PTPRD: variants seen among roughly 807,000 people sequenced by gnomAD.
PTPRD encodes receptor-type tyrosine-protein phosphatase delta.
Under a neutral mutation model 214.5 loss-of-function variants are expected in PTPRD, and 34 were observed. The observed-to-expected ratio is 0.16, with a 90% CI of 0.12 to 0.21. The LOEUF (loss-of-function observed/expected upper bound fraction) is 0.21. Ranked by LOEUF, PTPRD falls within the 10% of genes least tolerant of loss-of-function variation. The pLI, the probability that PTPRD is intolerant of heterozygous loss-of-function variation, is 1.00. For missense variants in PTPRD, 2,545 were observed against 2,398.7 expected (o/e 1.06, Z -1.27); for synonymous variants, 1,128 against 845.7 (o/e 1.33, Z -5.79).
intron 3 of PTPRD, among the ~76,000 whole-genome samples, chr9:10,208,329 AC>A (rs1274782853): frequency 6.6e-6 from 1 of 152,170 alleles, no homozygotes; most frequent in East Asian, 1.9e-4. Flanking sequence ...CCTGGCTAAC[AC>A]GGTGAAACCC....
At chr9:9,317,245 G>C (rs534133723) in intron 9 of PTPRD, among the ~76,000 whole-genome samples, 18 of 152,228 alleles carry the variant, frequency 1.2e-4, no homozygotes, top group African/African-American at 3.6e-4. Context: ...TCATGCTTAT[G>C]CTTCAACCTA....
At chr9:9,584,469 T>C (rs142048127) in intron 7 of PTPRD, among the ~76,000 whole-genome samples, 81 of 152,062 alleles carry the variant, frequency 5.3e-4, no homozygotes, top group African/African-American at 1.8e-3. Context: ...ATATTCCTAA[T>C]GCTGTAGCCA....
chr9:10,604,188 A>C (rs78529103), intron 2 of PTPRD, among the ~76,000 whole-genome samples: 146,969 of 151,614 alleles, frequency 0.97, 71,408 homozygotes, highest in East Asian at 1. Context: ...TTCTGACCAT[A>C]TTCTGACCTA....
chr9:9,921,108 T>C (rs2082418725), intron 5 of PTPRD, among the ~76,000 whole-genome samples: 1 of 152,032 alleles, frequency 6.6e-6, no homozygotes. Flanking sequence ...TTAATTAAAT[T>C]TGATGGCCTG....
At chr9:8,472,405 G>C (rs2096670859) in intron 30 of PTPRD, among the ~76,000 whole-genome samples, 1 of 152,136 alleles carries the variant, frequency 6.6e-6, no homozygotes, top group Non-Finnish European at 1.5e-5. Context: ...AGAGACCACA[G>C]AGGCCAGCAA....
intron 5 of PTPRD, among the ~76,000 whole-genome samples, chr9:9,815,961 G>A (rs1334635181): frequency 6.6e-6 from 1 of 152,126 alleles, no homozygotes. Context: ...TTTTTTAAGT[G>A]AAAGTGTGGA....
intron 5 of PTPRD, among the ~76,000 whole-genome samples, chr9:9,796,295 T>A (rs566198198): frequency 6.6e-6 from 1 of 152,114 alleles, no homozygotes; most frequent in South Asian, 2.1e-4. Context: ...GAGAGTAAGA[T>A]AAAATTCCAT....
intron 9 of PTPRD, among the ~76,000 whole-genome samples, chr9:9,352,383 ATG>A (rs1266457711): frequency 6.7e-6 from 1 of 149,426 alleles, no homozygotes; most frequent in Admixed American, 6.7e-5. Flanking sequence ...ATATATATAT[ATG>A]TGTGTATATG....
intron 5 of PTPRD, among the ~76,000 whole-genome samples, chr9:9,910,737 G>C (rs2078955779): frequency 6.6e-6 from 1 of 151,916 alleles, no homozygotes; most frequent in Admixed American, 6.6e-5. Context: ...CAAAACTTGA[G>C]TTTCTTAAAA....
At chr9:9,695,583 C>T (rs554234856) in intron 7 of PTPRD, among the ~76,000 whole-genome samples, 1 of 152,142 alleles carries the variant, frequency 6.6e-6, no homozygotes, top group South Asian at 2.1e-4. Context: ...TCCTTTTATA[C>T]CCAGTTTATT....
chr9:10,103,273 A>G (rs899090236), intron 3 of PTPRD, among the ~76,000 whole-genome samples: 2 of 150,610 alleles, frequency 1.3e-5, no homozygotes, highest in African/African-American at 4.9e-5. Context: ...TTTCATAACT[A>G]TCTATATATT....
chr9:8,688,340 G>A (rs944436478), intron 12 of PTPRD, among the ~76,000 whole-genome samples: 1 of 152,118 alleles, frequency 6.6e-6, no homozygotes, highest in Non-Finnish European at 1.5e-5. Flanking sequence ...GCCAAGGCGG[G>A]CGGATCACAA....
At chr9:10,160,853 C>G (rs985938559) in intron 3 of PTPRD, among the ~76,000 whole-genome samples, 5 of 151,792 alleles carry the variant, frequency 3.3e-5, no homozygotes, top group African/African-American at 7.2e-5. Flanking sequence ...AAAGTTAGAA[C>G]TGATAAATTC....
Position 9,946,211 on chromosome 9 carries a change from A to C in PTPRD, c.-471-7601T>G, listed in dbSNP as rs77294670. Reference sequence around the variant, plus strand: ...CTAGATTGCAAGCAGCTTAAACACAAGCAATTATACATCTTGCTCATTCTC... The same window carrying C: ...CTAGATTGCAAGCAGCTTAAACACACGCAATTATACATCTTGCTCATTCTC... On this transcript the variant is annotated intron_variant, in intron 4 of 45. Transcript: ENST00000381196. Among the ~76,000 whole-genome samples the C allele has an allele frequency of 8.1e-3, 1,231 of 152,258 alleles. 14 individuals carry two copies. Among genetic ancestry groups the C allele is most frequent in the African/African-American group, 0.028 (1,172 of 41,570 alleles).
intron 12 of PTPRD, among the ~76,000 whole-genome samples, chr9:8,732,193 T>G (rs1047158532): frequency 2.0e-5 from 3 of 152,238 alleles, no homozygotes; most frequent in Non-Finnish European, 4.4e-5. Flanking sequence ...ACTCCACATC[T>G]GTCTGCCACT....
intron 2 of PTPRD, among the ~76,000 whole-genome samples, chr9:10,349,721 T>A (rs901176767): frequency 6.6e-6 from 1 of 152,218 alleles, no homozygotes; most frequent in African/African-American, 2.4e-5. Context: ...AAACAAATTT[T>A]AAAAATCACC....
chr9:9,767,043 CAG>C (rs1174339599), intron 5 of PTPRD, among the ~76,000 whole-genome samples, 192 bp from the exon 6 acceptor site: 2 of 150,620 alleles, frequency 1.3e-5, no homozygotes, highest in East Asian at 1.9e-4. Flanking sequence ...ACAAAAAAGA[CAG>C]AATGCAAATA....
chr9:9,801,853 C>T (rs2099042378), intron 5 of PTPRD, among the ~76,000 whole-genome samples: 1 of 151,986 alleles, frequency 6.6e-6, no homozygotes, highest in South Asian at 2.1e-4. Context: ...TAAGGCATTT[C>T]CATCAGGATA....
At chr9:9,179,329 G>A (rs993613842) in intron 10 of PTPRD, among the ~76,000 whole-genome samples, 4 of 152,050 alleles carry the variant, frequency 2.6e-5, no homozygotes, top group Non-Finnish European at 4.4e-5. Context: ...AGAACCCACA[G>A]TATTGTTATG....
Sources: allele counts gnomAD v4.1 joint callset (sites outside exome capture counted in the v4.1 genomes callset), GRCh38; gene constraint gnomAD v4.1.1; transcripts MANE v1.5; gene names NCBI Gene and HGNC (gene_info 2026-07-23, HGNC 2026-07-21).